The following PTPN18 variants were observed in gnomAD, a reference collection of about 807,000 sequenced individuals.
The protein encoded by PTPN18 is tyrosine-protein phosphatase non-receptor type 18.
Under a neutral mutation model 65.4 loss-of-function variants are expected in PTPN18, and 65 were observed. The ratio of observed to expected loss-of-function variants is 0.99; its 90% confidence interval spans 0.81 to 1.22. PTPN18 has a LOEUF of 1.22. Among genes scored for constraint, PTPN18 ranks in the 50% most tolerant of loss-of-function variants. The pLI, the probability that PTPN18 is intolerant of heterozygous loss-of-function variation, is 0.00. For missense variants in PTPN18, 616 were observed against 646.5 expected (o/e 0.95, Z 0.51); for synonymous variants, 255 against 267.8 (o/e 0.95, Z 0.47).
In PTPN18 at chr2:130,372,881, G is replaced by A. The variant is rs1437691037; in HGVS notation, c.1249G>A (p.Asp417Asn). ...GGGTCTGCTGCCCTCAGTTCCTGCT[G>A]ACCAAAGTCCTGCCGGATCTGGCGC... ...RGTLPGRVPA[D>N]QSPAGSGAYE... is the part of the protein sequence containing the mutation. The change falls in exon 14 of 15, where the codon GAC (aspartate) becomes AAC (asparagine). Residue 417 changes from aspartate (D) to asparagine (N), a missense_variant. Physicochemically the swap from Asp to Asn is conservative, Grantham distance 23. Transcript: ENST00000175756. The A allele has an allele frequency of 6.2e-7, 1 of 1,614,182 alleles. No homozygotes were observed. Among genetic ancestry groups the A allele is most frequent in the Admixed American group, 1.7e-5 (1 of 60,036 alleles).
Position 130,356,206 on chromosome 2 carries a change from T to C in PTPN18, c.93+6T>C, listed in dbSNP as rs974108668. The C allele has an allele frequency of 1.5e-6, 2 of 1,316,860 alleles. No homozygotes were observed. Among genetic ancestry groups the C allele is most frequent in the Admixed American group, 8.2e-5 (2 of 24,248 alleles). 81.6% of individuals were successfully genotyped at this position (1,316,860 alleles called of 1,614,324 possible). A position where few individuals can be genotyped will look rare whatever the true frequency, so the allele number is the denominator to read the frequency against. On this transcript the variant is annotated splice_donor_region_variant and intron_variant, in intron 1 of 14. Coordinates refer to ENST00000175756, the MANE Select transcript of PTPN18 (RefSeq NM_014369.4). ...TCCTCGCCGGCGAGTTCAGCGTGAG[T>C]GGCACACGGGGTCCGCGAGCGGCGC...
At chr2:130,363,031 G>A (rs1442192790) in intron 5 of PTPN18, among the ~76,000 whole-genome samples, 1 of 151,384 alleles carries the variant, frequency 6.6e-6, no homozygotes, top group African/African-American at 2.4e-5. Context: ...GTGTTAGCCA[G>A]GATGGTCTCA....
At chr2:130,356,396 G>A (rs1219583066) in intron 1 of PTPN18, among the ~76,000 whole-genome samples, 196 bp downstream of exon 1, 2 of 152,176 alleles carry the variant, frequency 1.3e-5, no homozygotes, top group South Asian at 2.1e-4. Context: ...TCTGCCCCCC[G>A]GCCCCGGAGC....
intron 5 of PTPN18, among the ~76,000 whole-genome samples, chr2:130,367,060 T>C (rs918136165): frequency 4.2e-5 from 5 of 118,984 alleles, no homozygotes; most frequent in Admixed American, 1.5e-4. Flanking sequence ...ATTTTTTTTT[T>C]TTTTTTTTTT....
rs188414988 is a variant in PTPN18 at position 130,363,275 on chromosome 2, C to G, written c.414+3629C>G. 6.3e-4 allele frequency among the ~76,000 whole-genome samples: 96 copies of G among 151,544 alleles called. 1 individual carries two copies. In the East Asian group the frequency reaches 0.018, roughly 29 times the overall value. Reference sequence around the variant, plus strand: ...CATCCTGGCCAACATAGTGAAACCCCGTCTCTACTAAAAATACAAACATTA... The same window carrying G: ...CATCCTGGCCAACATAGTGAAACCCGGTCTCTACTAAAAATACAAACATTA... On this transcript the variant is annotated intron_variant, in intron 5 of 14. Coordinates refer to ENST00000175756, the MANE Select transcript of PTPN18 (RefSeq NM_014369.4).
At chr2:130,362,005 T>C (rs547364078) in intron 5 of PTPN18, among the ~76,000 whole-genome samples, 4 of 152,162 alleles carry the variant, frequency 2.6e-5, no homozygotes, top group Admixed American at 2.6e-4. Context: ...TTTTTTTTTT[T>C]AAGACAGAGG....
In PTPN18 at chr2:130,358,735, C is replaced by T. The variant is rs542870530; in HGVS notation, c.94-132C>T. 4.5e-5 allele frequency: 31 copies of T among 682,146 alleles called. No individual in the cohort carries two copies. The African/African-American group carries it at 5.3e-4, about 12-fold the overall frequency. 42.3% of individuals were successfully genotyped at this position (682,146 alleles called of 1,614,324 possible). A position where few individuals can be genotyped will look rare whatever the true frequency, so the allele number is the denominator to read the frequency against. On this transcript the variant is annotated intron_variant, in intron 1 of 14. Transcript: ENST00000175756. ...CATTATTATTAGGCAGGCCCAGTGC[C>T]ATCAGGGTCTGCACTCACCTCCCCA...
rs1275640449 is a variant in PTPN18 at position 130,374,672 on chromosome 2, G to A, written c.*1448G>A. ...CCGCCCCTCTCACTTTCAGGTCTCT[G>A]GACCTCTGACTGACACTGTGCCTGC... On this transcript the variant is annotated 3_prime_UTR_variant, in exon 15 of 15. Transcript: ENST00000175756. 2.1e-6 allele frequency: 1 copy of A among 471,422 alleles called. No homozygotes were observed. Among genetic ancestry groups the A allele is most frequent in the Non-Finnish European group, 4.4e-6 (1 of 227,124 alleles). The allele number at this position is 471,422 out of a possible 1,614,324, so 29.2% of individuals were successfully genotyped here.
rs749089507 is a variant in PTPN18, at chr2:130,359,511, G to C, written c.375+19G>C. ...GGTCAAGGTCAGCACTTGGGGGTGCGGCACAATGGTGGGGTCAACATCTAA... is the reference window on the plus strand; with the variant it reads ...GGTCAAGGTCAGCACTTGGGGGTGCCGCACAATGGTGGGGTCAACATCTAA... On this transcript the variant is annotated intron_variant, in intron 4 of 14. Transcript: ENST00000175756. The C allele has an allele frequency of 6.2e-7, 1 of 1,613,460 alleles. No individual in the cohort carries two copies. Among genetic ancestry groups the C allele is most frequent in the Admixed American group, 1.7e-5 (1 of 59,976 alleles).
intron 12 of PTPN18, 57 bp from the exon 13 acceptor site, chr2:130,372,200 A>T: frequency 6.8e-7 from 1 of 1,475,558 alleles, no homozygotes; most frequent in African/African-American, 1.4e-5. Flanking sequence ...CAGCCTCCCC[A>T]CTCCCGCCCT....
intron 5 of PTPN18, among the ~76,000 whole-genome samples, chr2:130,360,723 A>G (rs1680165012): frequency 6.6e-6 from 1 of 152,230 alleles, no homozygotes; most frequent in Non-Finnish European, 1.5e-5. Flanking sequence ...CCCTTTATAA[A>G]AATGTCAGCC....
chr2:130,374,879 T>A lies in PTPN18; in HGVS notation c.*1655T>A, dbSNP rs112755375. The A allele has an allele frequency of 1.5e-5, 5 of 324,246 alleles. No homozygotes were observed. Among genetic ancestry groups the A allele is most frequent in the African/African-American group, 1.1e-4 (5 of 46,326 alleles). The allele number at this position is 324,246 out of a possible 1,614,324, so 20.1% of individuals were successfully genotyped here. ...TCAATCAAGGAATGATGGGGATGTG[T>A]ACATACCCCACCCCACCCCTTGGCA... On this transcript the variant is annotated 3_prime_UTR_variant, in exon 15 of 15. Coordinates refer to ENST00000175756, the MANE Select transcript of PTPN18 (RefSeq NM_014369.4).
intron 1 of PTPN18, chr2:130,356,530 G>T: frequency 2.0e-6 from 1 of 507,672 alleles, no homozygotes; most frequent in South Asian, 1.6e-5. Context: ...GGGAGGGCGG[G>T]CGGCCCTGCT....
At chr2:130,370,339 T>C in intron 8 of PTPN18, 149 bp downstream of exon 8, 2 of 1,269,104 alleles carry the variant, frequency 1.6e-6, no homozygotes, top group Non-Finnish European at 2.2e-6. Flanking sequence ...TGAGCACTTG[T>C]TCAGCACAGA....
At chr2:130,363,876 A>C (rs1183748876) in intron 5 of PTPN18, among the ~76,000 whole-genome samples, 1 of 151,626 alleles carries the variant, frequency 6.6e-6, no homozygotes, top group East Asian at 1.9e-4. Context: ...CCACAGTGGC[A>C]GCATCATTTT....
intron 12 of PTPN18, among the ~76,000 whole-genome samples, chr2:130,371,536 C>T (rs1680565636): frequency 2.0e-5 from 3 of 152,184 alleles, no homozygotes; most frequent in Non-Finnish European, 4.4e-5. Flanking sequence ...TCTAATCAAA[C>T]CTTAATTCAG....
At position 130,363,290 on chromosome 2, in the gene PTPN18, T is replaced by C. The variant is rs551209075; in HGVS notation, c.414+3644T>C. 2.0e-5 allele frequency among the ~76,000 whole-genome samples: 3 copies of C among 151,388 alleles called. No homozygotes were observed. The East Asian group carries it at 5.9e-4, about 30-fold the overall frequency. On this transcript the variant is annotated intron_variant, in intron 5 of 14. Transcript: ENST00000175756. ...AGTGAAACCCCGTCTCTACTAAAAA[T>C]ACAAACATTAGCTGGGCATGGTGGC...
chr2:130,369,454 G>A (rs1680482287), intron 6 of PTPN18, among the ~76,000 whole-genome samples: 1 of 152,150 alleles, frequency 6.6e-6, no homozygotes, highest in African/African-American at 2.4e-5. Context: ...TTTCAAAAGA[G>A]CTTGGGGAAC....
At chr2:130,363,563 C>CAA (rs1680293371) in intron 5 of PTPN18, among the ~76,000 whole-genome samples, 1 of 152,338 alleles carries the variant, frequency 6.6e-6, no homozygotes, top group African/African-American at 2.4e-5. Context: ...CATTTGCTTA[C>CAA]TTTGGACATT....
Sources: allele counts gnomAD v4.1 joint callset (sites outside exome capture counted in the v4.1 genomes callset), GRCh38; gene constraint gnomAD v4.1.1; transcripts MANE v1.5; gene names NCBI Gene and HGNC (gene_info 2026-07-23, HGNC 2026-07-21).